Variants in NR6A1 observed in about 807,000 individuals in gnomAD.
The protein encoded by NR6A1 is retinoic acid receptor-related testis-associated receptor.
In NR6A1, 7 loss-of-function variants were observed where a neutral mutation model predicts 59.1. The observed-to-expected ratio is 0.12, with a 90% confidence interval of 0.07 to 0.22. The LOEUF (loss-of-function observed/expected upper bound fraction) is 0.22, where lower values mean the gene tolerates loss of function less well. Among genes scored for constraint, NR6A1 ranks in the 10% least tolerant of loss-of-function variants. NR6A1 has a pLI of 1.00. For missense variants in NR6A1, 468 were observed against 611.6 expected (o/e 0.77, Z 2.48); for synonymous variants, 243 against 236.1 (o/e 1.03, Z -0.27).
At chr9:124,714,330 T>A (rs1408236751) in intron 2 of NR6A1, among the ~76,000 whole-genome samples, 1 of 152,186 alleles carries the variant, frequency 6.6e-6, no homozygotes, top group Non-Finnish European at 1.5e-5. Flanking sequence ...ACAACCAGTG[T>A]GAATGTACTT....
Position 124,687,291 on chromosome 9 carries a change from A to ATTAATTAATTAATTATTTATTTAT in NR6A1, c.142+46016_142+46017insATAAATAAATAATTAATTAATTAA, listed in dbSNP as rs59770058. ...ACATGCCACCACAGCCAGCTAATTA[A>ATTAATTAATTAATTATTTATTTAT]TTATTTATTTATTTATTTATTTATT... On this transcript the variant is annotated intron_variant, in intron 2 of 9. Coordinates refer to ENST00000487099, the MANE Select transcript of NR6A1 (RefSeq NM_033334.4). 1.6e-4 allele frequency among the ~76,000 whole-genome samples: 23 copies of ATTAATTAATTAATTATTTATTTAT among 142,172 alleles called. No individual in the cohort carries two copies. The East Asian group carries it at 2.5e-3, about 15-fold the overall frequency. The allele number at this position is 142,172 out of a possible 152,430, so 93.3% of individuals were successfully genotyped here.
chr9:124,770,708 A>C, intron 1 of NR6A1, among the ~76,000 whole-genome samples: 1 of 34,820 alleles, frequency 2.9e-5, no homozygotes, highest in South Asian at 1.1e-3. Flanking sequence ...TGCTGAGGGG[A>C]CGGGGGGAGG....
At chr9:124,770,336 AG>A (rs1226822623) in intron 1 of NR6A1, 3 of 140,228 alleles carry the variant, frequency 2.1e-5, no homozygotes, top group African/African-American at 7.8e-5. Flanking sequence ...GGAGGCGCGA[AG>A]GGGTCCGAAA....
intron 2 of NR6A1, among the ~76,000 whole-genome samples, chr9:124,726,223 A>C (rs1839713454): frequency 6.6e-6 from 1 of 152,138 alleles, no homozygotes; most frequent in Non-Finnish European, 1.5e-5. Context: ...GTATGTCCTT[A>C]GTGGTAGGTG....
At position 124,745,109 on chromosome 9, in the gene NR6A1, T is replaced by A. The variant is rs1387142726; in HGVS notation, c.101-11760A>T. On this transcript the variant is annotated intron_variant, in intron 1 of 9. Coordinates refer to ENST00000487099, the MANE Select transcript of NR6A1 (RefSeq NM_033334.4). Reference sequence around the variant, plus strand: ...AAAAATTCAAACACAGGAAAATGATTAAATTATGTACACTTATTCAATGGA... The same window carrying A: ...AAAAATTCAAACACAGGAAAATGATAAAATTATGTACACTTATTCAATGGA... Among the ~76,000 whole-genome samples the A allele has an allele frequency of 6.6e-5, 10 of 152,194 alleles. 1 individual carries two copies. Among genetic ancestry groups the A allele is most frequent in the Admixed American group, 6.5e-4 (10 of 15,270 alleles).
chr9:124,733,274 T>C (rs1307601291), intron 2 of NR6A1, 34 bp downstream of exon 2: 8 of 1,543,574 alleles, frequency 5.2e-6, no homozygotes, highest in African/African-American at 1.4e-5. Flanking sequence ...ATCCTTTTCT[T>C]ACCAAAGAAT....
At chr9:124,523,438 C>G (rs1157183623) in intron 9 of NR6A1, among the ~76,000 whole-genome samples, 1 of 152,098 alleles carries the variant, frequency 6.6e-6, no homozygotes, top group Non-Finnish European at 1.5e-5. Flanking sequence ...ACCTGGGGAG[C>G]CGTTCGAAAA....
chr9:124,570,634 G>A (rs950573523), intron 2 of NR6A1, among the ~76,000 whole-genome samples: 17 of 141,146 alleles, frequency 1.2e-4, no homozygotes, highest in African/African-American at 3.7e-4. Context: ...GTAATACAAG[G>A]TTTTCATTTT....
At chr9:124,753,539 G>C (rs761256151) in intron 1 of NR6A1, among the ~76,000 whole-genome samples, 3 of 152,178 alleles carry the variant, frequency 2.0e-5, no homozygotes, top group Non-Finnish European at 4.4e-5. Context: ...GTAGTGGTTA[G>C]TAGAAGGTTA....
chr9:124,605,221 G>A (rs1048777103), intron 2 of NR6A1, among the ~76,000 whole-genome samples: 1 of 152,112 alleles, frequency 6.6e-6, no homozygotes, highest in African/African-American at 2.4e-5. Context: ...GATGTAATCG[G>A]CAATATCTGG....
chr9:124,706,866 G>A (rs1347575035), intron 2 of NR6A1, among the ~76,000 whole-genome samples: 2 of 152,038 alleles, frequency 1.3e-5, no homozygotes, highest in Admixed American at 1.3e-4. Context: ...TTGCCTTCAG[G>A]CATCCATTGC....
At chr9:124,660,527 T>C (rs916879217) in intron 2 of NR6A1, among the ~76,000 whole-genome samples, 2 of 151,770 alleles carry the variant, frequency 1.3e-5, no homozygotes, top group Non-Finnish European at 1.5e-5. Context: ...CACTGGACAA[T>C]AGCGATTTGT....
intron 7 of NR6A1, among the ~76,000 whole-genome samples, chr9:124,527,799 G>A (rs1022005829): frequency 2.0e-5 from 3 of 152,192 alleles, no homozygotes; most frequent in Admixed American, 1.3e-4. Context: ...TTAGGCAACG[G>A]AGCCCCAGGC....
At chr9:124,757,061 C>A (rs1840654569) in intron 1 of NR6A1, among the ~76,000 whole-genome samples, 1 of 151,980 alleles carries the variant, frequency 6.6e-6, no homozygotes, top group African/African-American at 2.4e-5. Context: ...AAAGAGCCTA[C>A]CCACAGTATC....
chr9:124,582,667 G>T (rs1834809140), intron 2 of NR6A1, among the ~76,000 whole-genome samples: 1 of 152,082 alleles, frequency 6.6e-6, no homozygotes, highest in South Asian at 2.1e-4. Context: ...TGGAAGGACT[G>T]CTTGAGGCCA....
chr9:124,526,631 T>G (rs1328873452), intron 8 of NR6A1, 148 bp downstream of exon 8: 1 of 1,165,550 alleles, frequency 8.6e-7, no homozygotes, highest in Admixed American at 2.0e-5. Flanking sequence ...GACAAGGGGG[T>G]GCACAAGTCT....
At chr9:124,694,819 T>C (rs2131030679) in intron 2 of NR6A1, among the ~76,000 whole-genome samples, 1 of 152,166 alleles carries the variant, frequency 6.6e-6, no homozygotes, top group Non-Finnish European at 1.5e-5. Flanking sequence ...TCCTGTCAAA[T>C]TAGGAAGGAG....
At chr9:124,539,904 A>G (rs1235477369) in intron 5 of NR6A1, 129 bp downstream of exon 5, 6 of 1,066,638 alleles carry the variant, frequency 5.6e-6, no homozygotes, top group Non-Finnish European at 7.9e-6. Flanking sequence ...CCCTACTCCA[A>G]GAGTCTGAGG....
chr9:124,575,165 G>A (rs1834552926), intron 2 of NR6A1, among the ~76,000 whole-genome samples: 1 of 152,186 alleles, frequency 6.6e-6, no homozygotes, highest in South Asian at 2.1e-4. Flanking sequence ...TACAAAATTG[G>A]TGAGGATTAA....
Sources: gnomAD v4.1 joint callset for allele counts (sites outside exome capture counted in the v4.1 genomes callset) on GRCh38, gnomAD v4.1.1 for gene constraint, MANE v1.5 for transcripts, NCBI Gene and HGNC (gene_info 2026-07-23, HGNC 2026-07-21) for gene names.